Variants in NREP observed in about 807,000 individuals in gnomAD.
NREP encodes neuronal regeneration related protein.
A neutral mutation model predicts 8.6 loss-of-function variants in NREP; 5 were observed. That is an observed-to-expected ratio of 0.58 (90% CI 0.30 to 1.22). NREP has a LOEUF of 1.22. Among genes scored for constraint, NREP ranks in the 50% most tolerant of loss-of-function variants. NREP has a pLI of 0.07. For missense variants in NREP, 86 were observed against 82.5 expected, an observed-to-expected ratio of 1.04 and a Z score of -0.17; for synonymous variants, 27 against 28.0, an observed-to-expected ratio of 0.96 and a Z score of 0.11.
intron 2 of NREP, among the ~76,000 whole-genome samples, chr5:111,943,829 T>C (rs1295187807): frequency 2.0e-5 from 3 of 152,148 alleles, no homozygotes; most frequent in South Asian, 4.1e-4. Context: ...TAGCTCTTTA[T>C]AAAACTGACA....
chr5:111,975,482 A>T (rs1756937581), intron 1 of NREP: 2 of 748,866 alleles, frequency 2.7e-6, no homozygotes, highest in Non-Finnish European at 4.5e-6. Flanking sequence ...CATTGTTCTC[A>T]TTTCTAAAAT....
intron 2 of NREP, among the ~76,000 whole-genome samples, chr5:111,797,583 C>T (rs1372416828): frequency 6.6e-6 from 1 of 152,168 alleles, no homozygotes; most frequent in Non-Finnish European, 1.5e-5. Context: ...AGAGTGTCTG[C>T]AGCTAAACTG....
At chr5:111,949,098 C>T (rs576525545) in intron 2 of NREP, 8 of 152,162 alleles carry the variant, frequency 5.3e-5, no homozygotes, top group African/African-American at 1.9e-4. Flanking sequence ...TCTTTGTTTC[C>T]TCAACCAGCA....
At chr5:111,814,178 C>T (rs1462563911) in intron 2 of NREP, among the ~76,000 whole-genome samples, 2 of 152,030 alleles carry the variant, frequency 1.3e-5, no homozygotes, top group Non-Finnish European at 2.9e-5. Context: ...TTCAGTTATG[C>T]AAATATAATG....
chr5:111,791,762 G>A (rs987536444), intron 2 of NREP, among the ~76,000 whole-genome samples: 3 of 152,088 alleles, frequency 2.0e-5, no homozygotes, highest in Non-Finnish European at 4.4e-5. Context: ...CATGAGCCAT[G>A]GCACCCTGTG....
intron 2 of NREP, among the ~76,000 whole-genome samples, chr5:111,746,676 A>G (rs1750026340): frequency 6.6e-6 from 1 of 152,178 alleles, no homozygotes; most frequent in African/African-American, 2.4e-5. Context: ...ATCTTATCAA[A>G]GAGTAAGTCC....
chr5:111,937,256 G>T (rs1315153315), intron 2 of NREP, among the ~76,000 whole-genome samples: 1 of 152,110 alleles, frequency 6.6e-6, no homozygotes, highest in East Asian at 1.9e-4. Context: ...GCAGATAAGT[G>T]TAACACCCTA....
At chr5:111,741,274 A>G (rs1749633983) in intron 2 of NREP, among the ~76,000 whole-genome samples, 1 of 152,170 alleles carries the variant, frequency 6.6e-6, no homozygotes, top group Non-Finnish European at 1.5e-5. Context: ...CCAATTAAAT[A>G]GTATGTGTCT....
intron 2 of NREP, among the ~76,000 whole-genome samples, chr5:111,894,692 G>T (rs1220626817): frequency 2.0e-5 from 3 of 152,062 alleles, no homozygotes; most frequent in African/African-American, 7.2e-5. Flanking sequence ...TATGATCCAG[G>T]CTGCCCGCAT....
At chr5:111,961,716 T>A (rs1156288819) in intron 2 of NREP, among the ~76,000 whole-genome samples, 1 of 152,226 alleles carries the variant, frequency 6.6e-6, no homozygotes, top group Non-Finnish European at 1.5e-5. Flanking sequence ...TCAGGAAGAC[T>A]TGAATATTAC....
At chr5:111,855,158 A>C (rs924910584) in intron 2 of NREP, among the ~76,000 whole-genome samples, 19 of 152,158 alleles carry the variant, frequency 1.2e-4, no homozygotes, top group African/African-American at 4.6e-4. Flanking sequence ...TCTATGCCAA[A>C]TTGTACACCT....
chr5:111,824,707 T>C (rs1752583056), intron 2 of NREP, among the ~76,000 whole-genome samples: 1 of 152,226 alleles, frequency 6.6e-6, no homozygotes, highest in African/African-American at 2.4e-5. Flanking sequence ...GCCAGAAAGT[T>C]CATCAAAAGT....
At chr5:111,909,718 C>T (rs2112560886) in intron 2 of NREP, among the ~76,000 whole-genome samples, 1 of 152,088 alleles carries the variant, frequency 6.6e-6, no homozygotes, top group Admixed American at 6.6e-5. Flanking sequence ...AAATTTATTC[C>T]ACCTACATGT....
chr5:111,730,043 C>G lies in NREP; in HGVS notation c.*878G>C, dbSNP rs1748409491. The G allele has an allele frequency of 6.9e-6, 1 of 144,088 alleles. No homozygotes were observed. Among genetic ancestry groups the G allele is most frequent in the Non-Finnish European group, 1.5e-5 (1 of 67,152 alleles). The allele number at this position is 144,088 out of a possible 1,614,324, so 8.9% of individuals were successfully genotyped here. ...GCCTGTAAAATTATTGCTTTTCTTT[C>G]TCTAAGTCAGGCAGGCGAGGCTACG... On this transcript the variant is annotated 3_prime_UTR_variant, in exon 4 of 4. Coordinates refer to ENST00000257435, the MANE Select transcript of NREP (RefSeq NM_004772.4).
intron 2 of NREP, among the ~76,000 whole-genome samples, chr5:111,765,660 T>C (rs1448818367): frequency 1.3e-5 from 2 of 152,236 alleles, no homozygotes; most frequent in Non-Finnish European, 2.9e-5. Context: ...TTAACCGTCA[T>C]GCTCACCTTC....
intron 2 of NREP, among the ~76,000 whole-genome samples, chr5:111,968,686 T>C (rs1581260187): frequency 6.6e-6 from 1 of 152,226 alleles, no homozygotes; most frequent in Admixed American, 6.5e-5. Flanking sequence ...CCCTCCTTAA[T>C]GTGTCATGTG....
intron 2 of NREP, among the ~76,000 whole-genome samples, chr5:111,741,200 C>T (rs892686959): frequency 2.6e-5 from 4 of 152,132 alleles, no homozygotes; most frequent in African/African-American, 7.2e-5. Context: ...ACTAGGGCAG[C>T]ACGGGTCCAA....
chr5:111,819,810 G>C (rs547953723), intron 2 of NREP, among the ~76,000 whole-genome samples: 2 of 152,264 alleles, frequency 1.3e-5, no homozygotes, highest in South Asian at 2.1e-4. Flanking sequence ...TTCTCCAAGA[G>C]GCACATTGTG....
chr5:111,874,101 G>T (rs914988378), intron 2 of NREP, among the ~76,000 whole-genome samples: 5 of 152,194 alleles, frequency 3.3e-5, no homozygotes, highest in East Asian at 1.9e-4. Flanking sequence ...TTATCCACTT[G>T]CCCCAGAGCT....
Sources: gnomAD v4.1 joint callset for allele counts (sites outside exome capture counted in the v4.1 genomes callset) on GRCh38, gnomAD v4.1.1 for gene constraint, MANE v1.5 for transcripts, NCBI Gene and HGNC (gene_info 2026-07-23, HGNC 2026-07-21) for gene names.